The following ZNF451 variants were observed in gnomAD, a reference collection of about 807,000 sequenced individuals.
The protein encoded by ZNF451 is zinc finger protein 451, also known as E3 SUMO-protein ligase ZNF451.
Under a neutral mutation model 107.1 loss-of-function variants are expected in ZNF451, and 80 were observed. The observed-to-expected ratio is 0.75, with a 90% CI of 0.62 to 0.90. The LOEUF (loss-of-function observed/expected upper bound fraction) is 0.90. Ranked by LOEUF, ZNF451 falls within the 40% of genes least tolerant of loss-of-function variation. The pLI, the probability that ZNF451 is intolerant of heterozygous loss-of-function variation, is 0.00. For synonymous variants in ZNF451, 362 were observed against 406.5 expected (o/e 0.89, Z 1.32); for missense variants, 1,107 against 1,236.2 (o/e 0.90, Z 1.57).
At chr6:57,168,308 C>T in intron 14 of ZNF451, 115 bp from the exon 15 acceptor site, 2 of 684,436 alleles carry the variant, frequency 2.9e-6, no homozygotes, top group Non-Finnish European at 2.4e-6. Flanking sequence ...CTGTGTTTTT[C>T]CATTTTGATT....
chr6:57,151,132 C>T (rs1433781213), intron 11 of ZNF451: 5 of 269,040 alleles, frequency 1.9e-5, no homozygotes, highest in South Asian at 7.9e-5. Context: ...AAGGCTGAGG[C>T]GGACGGATCA....
chr6:57,138,733 ATATATATATGTGTGTGTGTG>A (rs1266393574), intron 7 of ZNF451, among the ~76,000 whole-genome samples: 4 of 111,084 alleles, frequency 3.6e-5, no homozygotes, highest in African/African-American at 1.5e-4. Context: ...ATATATATAT[ATATATATATGTGTGTGTGTG>A]TGTGTGTGTG....
At chr6:57,157,378 C>T (rs1318828300) in intron 13 of ZNF451, among the ~76,000 whole-genome samples, 1 of 152,084 alleles carries the variant, frequency 6.6e-6, no homozygotes, top group Non-Finnish European at 1.5e-5. Context: ...AGTAAAAATA[C>T]AGATATTTGG....
At chr6:57,119,302 A>G (rs995726278) in intron 3 of ZNF451, among the ~76,000 whole-genome samples, 20 of 152,268 alleles carry the variant, frequency 1.3e-4, no homozygotes, top group African/African-American at 4.8e-4. Context: ...CAAGGCGGGC[A>G]GATCACCTTA....
Position 57,161,098 on chromosome 6 carries a change from G to A in ZNF451, c.3085G>A (p.Asp1029Asn), listed in dbSNP as rs955492101. 2 of 1,561,982 alleles carry A rather than the reference G, an allele frequency of 1.3e-6. No individual in the cohort carries two copies. The highest frequency in any genetic ancestry group is 1.7e-6 in the Non-Finnish European group (2 of 1,160,032). Residue 1029 changes from aspartate to asparagine, a missense_variant, in exon 14 of 15, where the codon GAT (aspartate) becomes AAT (asparagine). By Grantham distance (23) the Asp-to-Asn change is conservative (BLOSUM62 1). Coordinates refer to ENST00000370706, the MANE Select transcript of ZNF451 (RefSeq NM_001031623.3). ...CTTCTTTACAGAATGTGACAGTGAT[G>A]ATAACATGGGTGCCAAAAATACTTC... is the stretch of plus-strand genomic sequence containing the variant. ...SDTTKECDSD[D>N]NMGAKNTSIG...
At position 57,148,176 on chromosome 6, in the gene ZNF451, G is replaced by T; in HGVS notation, c.2091G>T (p.Val697=). 6.2e-7 allele frequency: 1 copy of T among 1,614,026 alleles called. No homozygotes were observed. The highest frequency in any genetic ancestry group is 8.5e-7 in the Non-Finnish European group (1 of 1,179,960). ...EEHHSIDYVF[V]SEKTETSIKT... ...ACCACAGCATAGATTATGTATTTGT[G>T]TCAGAAAAAACTGAAACTTCAATTA... The change falls in exon 10 of 15, where the codon GTG becomes GTT. Residue 697 remains valine (V), a synonymous_variant. Transcript: ENST00000370706.
intron 3 of ZNF451, chr6:57,103,819 CT>C: frequency 1.0e-6 from 1 of 985,334 alleles, no homozygotes; most frequent in Non-Finnish European, 1.2e-6. Flanking sequence ...TGGTGCCACA[CT>C]TTTTAATAAT....
intron 3 of ZNF451, chr6:57,107,571 C>A (rs555413850): frequency 1.0e-6 from 1 of 984,958 alleles, no homozygotes; most frequent in African/African-American, 1.7e-5. Flanking sequence ...AATTTTGAAG[C>A]CCATCCCCAT....
intron 2 of ZNF451, among the ~76,000 whole-genome samples, chr6:57,094,884 A>G (rs1336661089): frequency 1.3e-5 from 2 of 152,204 alleles, no homozygotes; most frequent in Non-Finnish European, 2.9e-5. Context: ...AACCAAGTAT[A>G]CCCCACTCAG....
At position 57,141,465 on chromosome 6, in the gene ZNF451, T is replaced by C. The variant is rs1831755221; in HGVS notation, c.856+10T>C. 1 of 1,597,198 alleles carries C rather than the reference T, an allele frequency of 6.3e-7. No homozygotes were observed. The highest frequency in any genetic ancestry group is 8.5e-7 in the Non-Finnish European group (1 of 1,170,014). ...AGTTTCAAACTGGGTGGTATGTTAA[T>C]ACTCTCTTCTGCTGAAAATTAAACT... On this transcript the variant is annotated intron_variant, in intron 8 of 14. Coordinates refer to ENST00000370706, the MANE Select transcript of ZNF451 (RefSeq NM_001031623.3).
At chr6:57,121,828 C>G (rs569564289) in intron 3 of ZNF451, among the ~76,000 whole-genome samples, 1 of 152,286 alleles carries the variant, frequency 6.6e-6, no homozygotes, top group South Asian at 2.1e-4. Context: ...AGATTTAACA[C>G]TGTTCTTATC....
chr6:57,105,117 A>T, intron 3 of ZNF451: 1 of 985,454 alleles, frequency 1.0e-6, no homozygotes, highest in Non-Finnish European at 1.2e-6. Context: ...GTCAGATAAT[A>T]AATCCTCATA....
intron 3 of ZNF451, chr6:57,102,003 A>G (rs1593083022): frequency 6.4e-7 from 1 of 1,550,536 alleles, no homozygotes; most frequent in Admixed American, 2.0e-5. Context: ...ACAATAGAGG[A>G]TACTCCAAAG....
At chr6:57,095,585 G>A (rs1042475430) in intron 2 of ZNF451, among the ~76,000 whole-genome samples, 1 of 151,804 alleles carries the variant, frequency 6.6e-6, no homozygotes, top group African/African-American at 2.4e-5. Context: ...CTCCGTCATC[G>A]GCCTCCCAAA....
intron 3 of ZNF451, chr6:57,102,795 G>A (rs1829668827): frequency 1.0e-6 from 1 of 985,448 alleles, no homozygotes; most frequent in Non-Finnish European, 1.2e-6. Context: ...ACTTCTACCT[G>A]TAACATCTCT....
At chr6:57,151,385 A>AAG (rs1049929644) in intron 11 of ZNF451, 1 of 152,048 alleles carries the variant, frequency 6.6e-6, no homozygotes, top group Non-Finnish European at 1.5e-5. Context: ...AAAAAAAAAA[A>AAG]AAAAAAAAAA....
At chr6:57,124,170 C>T (rs892819174) in intron 3 of ZNF451, among the ~76,000 whole-genome samples, 1 of 151,962 alleles carries the variant, frequency 6.6e-6, no homozygotes, top group Admixed American at 6.6e-5. Flanking sequence ...AAGAAAGTTC[C>T]CTTCTATTCT....
At chr6:57,097,272 A>C (rs1829373613) in intron 2 of ZNF451, among the ~76,000 whole-genome samples, 2 of 152,272 alleles carry the variant, frequency 1.3e-5, no homozygotes, top group South Asian at 4.1e-4. Flanking sequence ...TACCCAAAAG[A>C]TGGCAGTTTC....
intron 2 of ZNF451, chr6:57,092,988 A>G (rs1829121141): frequency 6.6e-6 from 1 of 152,258 alleles, no homozygotes; most frequent in African/African-American, 2.4e-5. Context: ...AGCCTCATAC[A>G]TCTATGTAAA....
Sources: gnomAD v4.1 joint callset for allele counts (sites outside exome capture counted in the v4.1 genomes callset) on GRCh38, gnomAD v4.1.1 for gene constraint, MANE v1.5 for transcripts, NCBI Gene and HGNC (gene_info 2026-07-23, HGNC 2026-07-21) for gene names.